Variants in AGBL4 observed in about 807,000 individuals in gnomAD.
AGBL4 encodes AGBL carboxypeptidase 4.
In AGBL4, 58 loss-of-function variants were observed where a neutral mutation model predicts 66.4. The ratio of observed to expected loss-of-function variants is 0.87; its 90% CI spans 0.71 to 1.09. The LOEUF (loss-of-function observed/expected upper bound fraction) is 1.09, where lower values mean the gene tolerates loss of function less well. AGBL4 is among the 50% of genes least tolerant of loss of function. The probability of loss-of-function intolerance (pLI) is 0.00; values close to 1 mark genes in which losing one functional copy is unlikely to be tolerated. For synonymous variants in AGBL4, 234 were observed against 222.9 expected, an observed-to-expected ratio of 1.05 and a Z score of -0.44; for missense variants, 579 against 631.0, an observed-to-expected ratio of 0.92 and a Z score of 0.88.
At chr1:49,965,690 T>C (rs1221695475) in intron 1 of AGBL4, among the ~76,000 whole-genome samples, 2 of 152,190 alleles carry the variant, frequency 1.3e-5, no homozygotes, top group Non-Finnish European at 2.9e-5. Context: ...TATGATGTCA[T>C]TGTCCAACCT....
the AGBL4 span, among the ~76,000 whole-genome samples, chr1:48,527,599 A>G: frequency 2.0e-3 from 300 of 152,142 alleles, 2 homozygotes; most frequent in East Asian, 0.02. Flanking sequence ...ATCTCAAAAA[A>G]AAAAAAAAAT....
intron 3 of AGBL4, among the ~76,000 whole-genome samples, chr1:49,287,477 T>C (rs1302403327): frequency 6.6e-6 from 1 of 150,462 alleles, no homozygotes; most frequent in African/African-American, 2.4e-5. Flanking sequence ...GACAAAGGGC[T>C]AATATCCAGA....
intron 6 of AGBL4, among the ~76,000 whole-genome samples, chr1:48,735,230 T>C (rs1362896755): frequency 6.6e-6 from 1 of 152,222 alleles, no homozygotes; most frequent in African/African-American, 2.4e-5. Context: ...TACACCATGG[T>C]CTGTCTCTAT....
intron 3 of AGBL4, among the ~76,000 whole-genome samples, chr1:49,510,982 T>C (rs1480761641): frequency 8.6e-5 from 13 of 151,200 alleles, no homozygotes; most frequent in East Asian, 7.8e-4. Flanking sequence ...TTTTGGTTAC[T>C]GTAGCCTTGT....
chr1:49,039,593 A>C (rs989822402), intron 5 of AGBL4, among the ~76,000 whole-genome samples: 8 of 152,134 alleles, frequency 5.3e-5, no homozygotes, highest in African/African-American at 1.9e-4. Context: ...TTCCTGAGTA[A>C]AGATTAGTCT....
chr1:49,479,710 T>C (rs1306309353), intron 3 of AGBL4, among the ~76,000 whole-genome samples: 1 of 150,182 alleles, frequency 6.7e-6, no homozygotes, highest in Non-Finnish European at 1.5e-5. Context: ...TTTCTTTTTT[T>C]TTTTTTTTTG....
intron 6 of AGBL4, among the ~76,000 whole-genome samples, chr1:48,687,488 AC>A (rs1646554122): frequency 6.6e-6 from 1 of 151,934 alleles, no homozygotes; most frequent in Non-Finnish European, 1.5e-5. Flanking sequence ...ACTTTCCTTC[AC>A]CTCTCAGAGA....
rs1279186443 is a variant in AGBL4 at position 49,473,527 on chromosome 1, T to C, written c.282+223786A>G. Among the ~76,000 whole-genome samples the C allele has an allele frequency of 1.3e-5, 2 of 152,060 alleles. 1 individual carries two copies. Among genetic ancestry groups the C allele is most frequent in the Non-Finnish European group, 2.9e-5 (2 of 68,004 alleles). On this transcript the variant is annotated intron_variant, in intron 3 of 13. Transcript: ENST00000371839. ...TTGTTGATTTAAGTTCCTTATAGAT[T>C]CTGGATACTAGACCTCTGTCAGTTT...
At chr1:49,404,301 G>A (rs1557908760) in intron 3 of AGBL4, among the ~76,000 whole-genome samples, 1 of 152,144 alleles carries the variant, frequency 6.6e-6, no homozygotes, top group Non-Finnish European at 1.5e-5. Context: ...ACACACACAG[G>A]AAAGACCACA....
intron 6 of AGBL4, among the ~76,000 whole-genome samples, chr1:48,860,004 A>G (rs1283360279): frequency 1.3e-5 from 2 of 152,234 alleles, no homozygotes; most frequent in African/African-American, 2.4e-5. Flanking sequence ...TTCACACTAC[A>G]TTCGAATAAC....
chr1:49,158,707 T>G (rs1646482081), intron 4 of AGBL4, among the ~76,000 whole-genome samples: 1 of 151,980 alleles, frequency 6.6e-6, no homozygotes, highest in South Asian at 2.1e-4. Flanking sequence ...AGTCTAAGTC[T>G]CTTTGTAGGT....
intron 1 of AGBL4, among the ~76,000 whole-genome samples, chr1:49,958,838 A>G (rs1656872825): frequency 6.6e-6 from 1 of 151,918 alleles, no homozygotes; most frequent in Non-Finnish European, 1.5e-5. Context: ...AACTTAAAGT[A>G]TAATAAAAAA....
intron 11 of AGBL4, among the ~76,000 whole-genome samples, chr1:48,546,019 G>T (rs993744929): frequency 2.0e-5 from 3 of 152,304 alleles, no homozygotes; most frequent in Admixed American, 6.5e-5. Context: ...ATAGCCTAGA[G>T]AAGGAAACTC....
Position 49,514,097 on chromosome 1 carries a change from T to C in AGBL4, c.282+183216A>G, listed in dbSNP as rs558738169. On this transcript the variant is annotated intron_variant, in intron 3 of 13. Transcript: ENST00000371839. ...ATCCTGAGACTTTGCTGAAGTTGCTTATCAGCTTAAGGAGATTTTGGGCTG... is the reference window on the plus strand; with the variant it reads ...ATCCTGAGACTTTGCTGAAGTTGCTCATCAGCTTAAGGAGATTTTGGGCTG... 3.9e-5 allele frequency among the ~76,000 whole-genome samples: 6 copies of C among 152,084 alleles called. No individual in the cohort carries two copies. In the East Asian group the frequency reaches 1.2e-3, roughly 29 times the overall value.
chr1:49,966,476 TA>T (rs1657574437), intron 1 of AGBL4, among the ~76,000 whole-genome samples: 1 of 152,162 alleles, frequency 6.6e-6, no homozygotes. Flanking sequence ...TTCCTTTCTG[TA>T]AATGCTGCTG....
chr1:48,724,079 G>C (rs574321800), intron 6 of AGBL4, among the ~76,000 whole-genome samples: 81 of 152,286 alleles, frequency 5.3e-4, no homozygotes, highest in African/African-American at 1.9e-3. Context: ...CTGCATACGG[G>C]GTCAGCAGGT....
chr1:49,340,691 A>T (rs1645522181), intron 3 of AGBL4, among the ~76,000 whole-genome samples: 1 of 152,192 alleles, frequency 6.6e-6, no homozygotes, highest in South Asian at 2.1e-4. Context: ...CTTTCAAACC[A>T]GAGCAACTCC....
chr1:48,593,714 G>C (rs1644951904), intron 9 of AGBL4, among the ~76,000 whole-genome samples: 1 of 152,140 alleles, frequency 6.6e-6, no homozygotes. Flanking sequence ...TCACGCCATT[G>C]CACTCCAGCC....
In AGBL4 at chr1:49,697,366, G is replaced by A; in HGVS notation, c.229C>T (p.Pro77Ser). The A allele has an allele frequency of 6.5e-7, 1 of 1,548,610 alleles. No homozygotes were observed. Among genetic ancestry groups the A allele is most frequent in the Non-Finnish European group, 8.7e-7 (1 of 1,144,728 alleles). Residue 77 changes from proline (P) to serine (S), a missense_variant, in exon 3 of 14, where the codon CCA becomes TCA. Transcript: ENST00000371839. ...DLFIRPDTCN[P>S]RFRVWFNFTV... ...AAGTTGAACCAGACTCGGAAGCGTG[G>A]ATTACAGGTGTCCGGCCTAATGAAC... is the stretch of plus-strand genomic sequence containing the variant.
Sources: allele counts gnomAD v4.1 joint callset (sites outside exome capture counted in the v4.1 genomes callset), GRCh38; gene constraint gnomAD v4.1.1; transcripts MANE v1.5; gene names NCBI Gene and HGNC (gene_info 2026-07-23, HGNC 2026-07-21).